COL13A1: variants seen among roughly 807,000 people sequenced by gnomAD.
COL13A1 encodes collagen alpha-1(XIII) chain.
A neutral mutation model predicts 130.9 loss-of-function variants in COL13A1; 89 were observed. That is an observed-to-expected ratio of 0.68 (90% CI 0.57 to 0.81). The LOEUF (loss-of-function observed/expected upper bound fraction) is 0.81, where lower values mean the gene tolerates loss of function less well. Ranked by LOEUF, COL13A1 falls within the 30% of genes least tolerant of loss-of-function variation. The pLI is 0.00. For synonymous variants in COL13A1, 402 were observed against 341.6 expected, an observed-to-expected ratio of 1.18 and a Z score of -1.95; for missense variants, 879 against 934.6, an observed-to-expected ratio of 0.94 and a Z score of 0.78.
chr10:69,950,013 T>TGTGTG (rs1454979695), intron 38 of COL13A1, among the ~76,000 whole-genome samples: 1 of 151,670 alleles, frequency 6.6e-6, no homozygotes, highest in South Asian at 2.1e-4. Context: ...TGTGTGTACG[T>TGTGTG]CTCACTTCCT....
At chr10:69,829,828 C>T (rs546970355) in intron 2 of COL13A1, among the ~76,000 whole-genome samples, 2 of 152,354 alleles carry the variant, frequency 1.3e-5, no homozygotes, top group East Asian at 3.9e-4. Context: ...CCTGGAAGAG[C>T]CTTTTCTCTC....
chr10:69,858,422 G>C (rs954905167), intron 2 of COL13A1, among the ~76,000 whole-genome samples: 1 of 152,194 alleles, frequency 6.6e-6, no homozygotes, highest in Admixed American at 6.5e-5. Context: ...CTTGCCCAAG[G>C]TCACACAGCT....
At chr10:69,942,079 C>T (rs2067717471) in intron 35 of COL13A1, among the ~76,000 whole-genome samples, 1 of 152,206 alleles carries the variant, frequency 6.6e-6, no homozygotes, top group African/African-American at 2.4e-5. Context: ...AGCACAGGCT[C>T]ACAGGTCTTC....
intron 2 of COL13A1, among the ~76,000 whole-genome samples, chr10:69,823,655 G>A (rs1209386013): frequency 6.6e-6 from 1 of 152,204 alleles, no homozygotes. Flanking sequence ...TTGCTGGAGA[G>A]TGAATGGGCT....
intron 14 of COL13A1, among the ~76,000 whole-genome samples, chr10:69,899,026 G>A (rs1390439266): frequency 2.0e-5 from 3 of 152,166 alleles, no homozygotes; most frequent in African/African-American, 7.2e-5. Flanking sequence ...CCATTTCACA[G>A]GCCTGGTTAT....
intron 2 of COL13A1, among the ~76,000 whole-genome samples, chr10:69,838,969 C>T (rs1054997072): frequency 2.6e-5 from 4 of 152,268 alleles, no homozygotes; most frequent in Non-Finnish European, 5.9e-5. Context: ...TTGCTACACA[C>T]GTGCCAGTTG....
chr10:69,828,850 A>G (rs759977620), intron 2 of COL13A1, among the ~76,000 whole-genome samples: 4 of 152,194 alleles, frequency 2.6e-5, no homozygotes, highest in Non-Finnish European at 4.4e-5. Context: ...AGATGTATAC[A>G]CCTGCAGAGG....
chr10:69,918,399 T>G, intron 19 of COL13A1, 82 bp downstream of exon 19: 1 of 1,422,556 alleles, frequency 7.0e-7, no homozygotes. Context: ...TTAGACTCAG[T>G]GGGGTGGCTG....
At chr10:69,810,775 G>A (rs1464086061) in intron 1 of COL13A1, among the ~76,000 whole-genome samples, 2 of 152,232 alleles carry the variant, frequency 1.3e-5, no homozygotes. Flanking sequence ...GCTGGGTGTT[G>A]TCTGGGCCAC....
intron 1 of COL13A1, among the ~76,000 whole-genome samples, chr10:69,816,087 GCCTGTGTGATTAC>G (rs1844419132): frequency 1.3e-5 from 2 of 151,390 alleles, no homozygotes; most frequent in African/African-American, 2.4e-5. Context: ...AGCTTCAGAG[GCCTGTGTGATTAC>G]CCTGGCTGCC....
intron 2 of COL13A1, among the ~76,000 whole-genome samples, chr10:69,864,268 G>GCTTA (rs1859135137): frequency 6.6e-6 from 1 of 152,114 alleles, no homozygotes; most frequent in Non-Finnish European, 1.5e-5. Flanking sequence ...TAGTTACCAT[G>GCTTA]CTTAGCACTG....
intron 2 of COL13A1, among the ~76,000 whole-genome samples, chr10:69,866,819 G>A (rs1292175908): frequency 1.3e-5 from 2 of 152,166 alleles, no homozygotes; most frequent in East Asian, 3.9e-4. Flanking sequence ...GGAATGGGAG[G>A]AGCACGGGGA....
At position 69,802,653 on chromosome 10, in the gene COL13A1, C is replaced by A; in HGVS notation, c.230C>A (p.Ala77Glu). Residue 77 changes from alanine (A) to glutamate (E), a missense_variant, in exon 1 of 41, where the codon GCG becomes GAG. Physicochemically the swap from Ala to Glu is moderately radical, Grantham distance 107. Around this residue, in one of 3 missense-constraint regions of COL13A1, gnomAD observed 715 missense variants for 721.0 expected, o/e 0.99. Coordinates refer to ENST00000645393, the MANE Select transcript of COL13A1 (RefSeq NM_001368882.1). ...ELQARVLRLE[A>E]ERGEQQMETA... is the part of the protein sequence containing the mutation. ...CAGGCCCGGGTGCTGCGCCTGGAAG[C>A]GGAGCGCGGGGAGCAGCAAATGGAG... 1 of 1,613,452 alleles carries A rather than the reference C, an allele frequency of 6.2e-7. No homozygotes were observed. The highest frequency in any genetic ancestry group is 8.5e-7 in the Non-Finnish European group (1 of 1,179,574).
chr10:69,829,021 A>G (rs899094156), intron 2 of COL13A1, among the ~76,000 whole-genome samples: 1 of 152,106 alleles, frequency 6.6e-6, no homozygotes, highest in African/African-American at 2.4e-5. Context: ...CTTCCTTGCC[A>G]TCTCCGCCTG....
intron 36 of COL13A1, 131 bp from the exon 37 acceptor site, chr10:69,945,540 T>C (rs2068372806): frequency 8.0e-6 from 10 of 1,254,376 alleles, no homozygotes; most frequent in African/African-American, 3.0e-5. Flanking sequence ...ACCTTTCCCA[T>C]AGCCCTTGCT....
At chr10:69,884,636 A>C (rs1396043944) in intron 7 of COL13A1, among the ~76,000 whole-genome samples, 1 of 152,230 alleles carries the variant, frequency 6.6e-6, no homozygotes, top group Non-Finnish European at 1.5e-5. Flanking sequence ...AAGATTTCAG[A>C]GATCAATGTA....
intron 31 of COL13A1, among the ~76,000 whole-genome samples, chr10:69,934,592 A>G (rs926185172): frequency 6.6e-6 from 1 of 152,250 alleles, no homozygotes; most frequent in Non-Finnish European, 1.5e-5. Context: ...AGAAGGACCC[A>G]GCAGTGGCTG....
intron 29 of COL13A1, 132 bp downstream of exon 29, chr10:69,930,219 G>C (rs552078147): frequency 3.1e-6 from 3 of 959,740 alleles, no homozygotes; most frequent in Non-Finnish European, 4.6e-6. Context: ...ATGGGGGGGG[G>C]CAGGGAGAGG....
At chr10:69,944,303 A>G in intron 36 of COL13A1, 125 bp downstream of exon 36, 7 of 815,434 alleles carry the variant, frequency 8.6e-6, no homozygotes, top group Middle Eastern at 3.5e-4. Context: ...TCCTCACAGC[A>G]GCCTGGGACA....
Sources: allele counts gnomAD v4.1 joint callset (sites outside exome capture counted in the v4.1 genomes callset), GRCh38; gene constraint gnomAD v4.1.1; regional missense constraint gnomAD v4.1.1; transcripts MANE v1.5; gene names NCBI Gene and HGNC (gene_info 2026-07-23, HGNC 2026-07-21).